The following IGSF21 variants were observed in gnomAD, a reference collection of about 807,000 sequenced individuals.
IGSF21 encodes the protein immunoglobulin superfamily member 21.
Under a neutral mutation model 46.8 loss-of-function variants are expected in IGSF21, and 28 were observed. The ratio of observed to expected loss-of-function variants is 0.60; its 90% CI spans 0.44 to 0.82. The LOEUF is 0.82. Ranked by LOEUF, IGSF21 falls within the 40% of genes least tolerant of loss-of-function variation. The probability of loss-of-function intolerance (pLI) is 0.00; values close to 1 mark genes in which losing one functional copy is unlikely to be tolerated. For synonymous variants in IGSF21, 284 were observed against 273.6 expected (o/e 1.04, Z -0.38); for missense variants, 624 against 665.5 (o/e 0.94, Z 0.69).
In IGSF21 at chr1:18,332,500, T is replaced by C. The variant is rs113244493; in HGVS notation, c.306-2392T>C. 5.5e-3 allele frequency among the ~76,000 whole-genome samples: 391 copies of C among 70,716 alleles called. 2 individuals carry two copies. Among genetic ancestry groups the C allele is most frequent in the African/African-American group, 0.011 (351 of 32,448 alleles). The allele number at this position is 70,716 out of a possible 152,430, so 46.4% of individuals were successfully genotyped here. ...TCATGCCATCTCTCTCTGAGTCTCT[T>C]TTTTTTTTTTTTATCTAAAATATGT... is the stretch of plus-strand genomic sequence containing the variant. On this transcript the variant is annotated intron_variant, in intron 3 of 9. Transcript: ENST00000251296.
intron 1 of IGSF21, among the ~76,000 whole-genome samples, chr1:18,223,729 G>A (rs773008974): frequency 6.6e-6 from 1 of 152,204 alleles, no homozygotes; most frequent in East Asian, 1.9e-4. Context: ...ACTCATGGTC[G>A]TGGCATCGTA....
intron 1 of IGSF21, among the ~76,000 whole-genome samples, chr1:18,138,928 T>A (rs1031722145): frequency 1.3e-5 from 2 of 152,172 alleles, no homozygotes; most frequent in Non-Finnish European, 2.9e-5. Flanking sequence ...CTGGGAGAGT[T>A]GGGATTCAGA....
intron 1 of IGSF21, among the ~76,000 whole-genome samples, chr1:18,166,537 G>A (rs188433268): frequency 2.6e-5 from 4 of 152,332 alleles, no homozygotes; most frequent in Admixed American, 1.3e-4. Flanking sequence ...CTGTGAGGAC[G>A]AAATGAGATG....
At chr1:18,211,093 A>T (rs1483944243) in intron 1 of IGSF21, among the ~76,000 whole-genome samples, 1 of 152,152 alleles carries the variant, frequency 6.6e-6, no homozygotes, top group Non-Finnish European at 1.5e-5. Context: ...GCTGGTCTTG[A>T]ACTTCTGTCC....
At chr1:18,208,376 A>AATATACAT in intron 1 of IGSF21, among the ~76,000 whole-genome samples, 1 of 22,040 alleles carries the variant, frequency 4.5e-5, no homozygotes, top group South Asian at 9.6e-4. Context: ...GTTTAGGAAT[A>AATATACAT]ATATATATAT....
intron 3 of IGSF21, among the ~76,000 whole-genome samples, chr1:18,304,022 G>A (rs565480856): frequency 2.0e-5 from 3 of 152,308 alleles, no homozygotes; most frequent in East Asian, 3.9e-4. Context: ...ATTGGGGTGG[G>A]GTGTGATGGG....
intron 4 of IGSF21, among the ~76,000 whole-genome samples, chr1:18,357,531 G>A (rs1389961985): frequency 2.0e-5 from 3 of 151,672 alleles, no homozygotes; most frequent in African/African-American, 4.9e-5. Flanking sequence ...AGGGGGAGTG[G>A]GGTGGGAATA....
chr1:18,290,284 T>A lies in IGSF21; in HGVS notation c.184-1582T>A, dbSNP rs951809637. ...AGGAAGTGGTCCTCTGTCTCCCCTC[T>A]GCACATGGTCAGAAAGCGCCAAGCC... On this transcript the variant is annotated intron_variant, in intron 2 of 9. Transcript: ENST00000251296. This position sits in a 1 kb window ranked among gnomAD's most constrained non-coding sequence, Gnocchi z 4.2. Among the ~76,000 whole-genome samples the A allele has an allele frequency of 3.3e-5, 5 of 152,172 alleles. No homozygotes were observed. The highest frequency in any genetic ancestry group is 9.7e-5 in the African/African-American group (4 of 41,418).
intron 1 of IGSF21, among the ~76,000 whole-genome samples, chr1:18,226,174 G>A (rs1445622771): frequency 6.6e-6 from 1 of 152,192 alleles, no homozygotes; most frequent in Non-Finnish European, 1.5e-5. Context: ...TGTTTGTCAT[G>A]CCCCATGGCT....
intron 4 of IGSF21, among the ~76,000 whole-genome samples, chr1:18,338,051 G>T (rs2124609128): frequency 6.6e-6 from 1 of 152,232 alleles, no homozygotes; most frequent in Non-Finnish European, 1.5e-5. Context: ...ACATGGGCCT[G>T]GGAGGCAGGC....
chr1:18,263,091 G>A (rs1351700533), intron 2 of IGSF21, among the ~76,000 whole-genome samples: 2 of 152,212 alleles, frequency 1.3e-5, no homozygotes, highest in African/African-American at 2.4e-5. Context: ...TCAGGTGGTG[G>A]GAGGTCGTGC....
chr1:18,375,665 T>C (rs2086273176), intron 6 of IGSF21, among the ~76,000 whole-genome samples: 1 of 152,188 alleles, frequency 6.6e-6, no homozygotes, highest in African/African-American at 2.4e-5. Flanking sequence ...CCAGAGGTTC[T>C]AGAAAAATCC....
chr1:18,141,760 C>T (rs2124425766), intron 1 of IGSF21, among the ~76,000 whole-genome samples: 1 of 152,302 alleles, frequency 6.6e-6, no homozygotes, highest in African/African-American at 2.4e-5. Context: ...TGGACATACA[C>T]TTTATACAAT....
At chr1:18,342,798 T>C (rs1239712644) in intron 4 of IGSF21, among the ~76,000 whole-genome samples, 2 of 152,236 alleles carry the variant, frequency 1.3e-5, no homozygotes, top group South Asian at 2.1e-4. Context: ...TAATATTCCT[T>C]CATATGGATA....
intron 2 of IGSF21, among the ~76,000 whole-genome samples, chr1:18,272,497 A>C (rs1438859533): frequency 6.6e-6 from 1 of 152,232 alleles, no homozygotes; most frequent in Non-Finnish European, 1.5e-5. Flanking sequence ...CAGGGCACTT[A>C]GCACCTGGCC....
At chr1:18,349,056 C>T (rs573760393) in intron 4 of IGSF21, among the ~76,000 whole-genome samples, 75 of 152,344 alleles carry the variant, frequency 4.9e-4, no homozygotes, top group Admixed American at 4.9e-3. Flanking sequence ...AGGCATTATA[C>T]TAAGTTCTTT....
At chr1:18,132,744 G>C (rs2086332929) in intron 1 of IGSF21, among the ~76,000 whole-genome samples, 1 of 152,116 alleles carries the variant, frequency 6.6e-6, no homozygotes, top group African/African-American at 2.4e-5. Context: ...GCAAGGGGGT[G>C]GGGGACCGCT....
At position 18,145,709 on chromosome 1, in the gene IGSF21, T is replaced by C. The variant is rs187547381; in HGVS notation, c.70+37511T>C. Among the ~76,000 whole-genome samples, 1,108 of 152,298 alleles carry C rather than the reference T, an allele frequency of 7.3e-3. 20 individuals carry two copies. Among genetic ancestry groups the C allele is most frequent in the Middle Eastern group, 0.02 (6 of 294 alleles). On this transcript the variant is annotated intron_variant, in intron 1 of 9. Coordinates refer to ENST00000251296, the MANE Select transcript of IGSF21 (RefSeq NM_032880.5). ...GGGACTAATAAAATGCCATCCCTCA[T>C]GTCGGCTTCTCAGGGCGGCAAATGT...
intron 3 of IGSF21, among the ~76,000 whole-genome samples, chr1:18,296,653 TA>T (rs1450572164): frequency 6.6e-6 from 1 of 152,126 alleles, no homozygotes; most frequent in Non-Finnish European, 1.5e-5. Context: ...TCCATCTGCT[TA>T]AAATATTCAA....
Sources: allele counts gnomAD v4.1 joint callset (sites outside exome capture counted in the v4.1 genomes callset), GRCh38; gene constraint gnomAD v4.1.1; non-coding constraint Gnocchi (gnomAD v3.1); transcripts MANE v1.5; gene names NCBI Gene and HGNC (gene_info 2026-07-23, HGNC 2026-07-21).